The following SFXN5 variants were observed in gnomAD, a reference collection of about 807,000 sequenced individuals.
SFXN5 encodes sideroflexin 5, also known as sideroflexin-5.
A neutral mutation model predicts 50.2 loss-of-function variants in SFXN5; 43 were observed. The observed-to-expected ratio is 0.86, with a 90% CI of 0.67 to 1.11. SFXN5 has a LOEUF of 1.11. Among genes scored for constraint, SFXN5 ranks in the 50% least tolerant of loss-of-function variants. The probability of loss-of-function intolerance (pLI) is 0.00; values close to 1 mark genes in which losing one functional copy is unlikely to be tolerated. For missense variants in SFXN5, 463 were observed against 454.1 expected (o/e 1.02, Z -0.18); for synonymous variants, 203 against 185.8 (o/e 1.09, Z -0.75).
Position 72,980,855 on chromosome 2 carries a change from C to T in SFXN5, c.625+7403G>A, listed in dbSNP as rs1671215181. 2.0e-5 allele frequency among the ~76,000 whole-genome samples: 3 copies of T among 151,930 alleles called. No individual in the cohort carries two copies. The South Asian group carries it at 6.2e-4, about 32-fold the overall frequency. ...AGCCCAGCCAGGCCCCCTGCCCCCT[C>T]CTGCATTCCCCTCCTGCATAGCCCC... On this transcript the variant is annotated intron_variant, in intron 10 of 13. Transcript: ENST00000272433.
At chr2:72,976,070 T>A (rs1390890253) in intron 10 of SFXN5, among the ~76,000 whole-genome samples, 1 of 152,254 alleles carries the variant, frequency 6.6e-6, no homozygotes, top group African/African-American at 2.4e-5. Context: ...CATGATGATT[T>A]ACTGTATGTA....
At chr2:73,028,333 T>C (rs2105868711) in intron 3 of SFXN5, among the ~76,000 whole-genome samples, 1 of 152,350 alleles carries the variant, frequency 6.6e-6, no homozygotes, top group Non-Finnish European at 1.5e-5. Context: ...CATGTGGTCC[T>C]GCCTCCCACT....
At position 72,945,905 on chromosome 2, in the gene SFXN5, T is replaced by C. The variant is rs572443643; in HGVS notation, c.946-806A>G. ...AGGCCACTGGATACCTGCTCTGCTC[T>C]CCTCTCCTTGGCCACCCACCCCCTG... On this transcript the variant is annotated intron_variant, in intron 13 of 13. Transcript: ENST00000272433. This position sits in a 1 kb window ranked among gnomAD's most constrained non-coding sequence, Gnocchi z 5.8. Among the ~76,000 whole-genome samples the C allele has an allele frequency of 6.6e-6, 1 of 151,708 alleles. No homozygotes were observed. Among genetic ancestry groups the C allele is most frequent in the East Asian group, 2.0e-4 (1 of 5,110 alleles).
Position 72,999,128 on chromosome 2 carries a change from G to A in SFXN5, c.469-114C>T. The A allele has an allele frequency of 2.6e-6, 3 of 1,135,168 alleles. No individual in the cohort carries two copies. In the South Asian group the frequency reaches 4.1e-5, roughly 15 times the overall value. The allele number at this position is 1,135,168 out of a possible 1,614,324, so 70.3% of individuals were successfully genotyped here. A position where few individuals can be genotyped will look rare whatever the true frequency, so the allele number is the denominator to read the frequency against. On this transcript the variant is annotated intron_variant, in intron 8 of 13. Transcript: ENST00000272433. Reference sequence around the variant, plus strand: ...TCCTGCCCACCAGCCTGGAAAGTGGGTAGAAGGAAGAGGCCCCTCAGGACT... The same window carrying A: ...TCCTGCCCACCAGCCTGGAAAGTGGATAGAAGGAAGAGGCCCCTCAGGACT...
At chr2:72,988,168 G>A in intron 10 of SFXN5, 90 bp downstream of exon 10, 1 of 1,184,310 alleles carries the variant, frequency 8.4e-7, no homozygotes, top group South Asian at 1.4e-5. Flanking sequence ...GGCATCAGGA[G>A]AGGTGTGGAA....
chr2:72,957,141 C>T (rs1673189475), intron 13 of SFXN5: 3 of 452,710 alleles, frequency 6.6e-6, no homozygotes, highest in Middle Eastern at 3.2e-4. Flanking sequence ...GCTTCAACTC[C>T]CCCCCATACA....
At chr2:72,951,048 G>A (rs1672477767) in intron 13 of SFXN5, among the ~76,000 whole-genome samples, 2 of 151,876 alleles carry the variant, frequency 1.3e-5, no homozygotes, top group Admixed American at 1.3e-4. Context: ...CCGAGGGAGG[G>A]GGTGTCTGGG....
At position 73,071,679 on chromosome 2, in the gene SFXN5, C is replaced by T. The variant is rs1683641055; in HGVS notation, c.27G>A (p.Ser9=). 5 of 1,612,948 alleles carry T rather than the reference C, an allele frequency of 3.1e-6. No individual in the cohort carries two copies. The highest frequency in any genetic ancestry group is 1.7e-5 in the Admixed American group (1 of 59,980). The change falls in exon 1 of 14, where the codon TCG becomes TCA. Residue 9 remains serine (S), a synonymous_variant. Transcript: ENST00000272433. The part of the protein sequence containing the change: MADTATTA[S]AAAASAASAS... The stretch of plus-strand genomic sequence containing the variant: ...CGCTAGCGGCACTAGCCGCCGCCGC[C>T]GATGCTGTAGTCGCTGTATCCGCCA...
chr2:73,023,290 T>C, intron 3 of SFXN5, 76 bp from the exon 4 acceptor site: 1 of 1,438,552 alleles, frequency 7.0e-7, no homozygotes, highest in African/African-American at 1.4e-5. Flanking sequence ...TTCCAACCCA[T>C]GTTTTCTAAC....
chr2:73,071,337 G>A, intron 1 of SFXN5: 2 of 448,250 alleles, frequency 4.5e-6, no homozygotes, highest in Non-Finnish European at 7.9e-6. Flanking sequence ...CCAATCACAG[G>A]GCGCCGCGGG....
At chr2:73,006,209 G>C (rs909569430) in intron 6 of SFXN5, among the ~76,000 whole-genome samples, 6 of 152,124 alleles carry the variant, frequency 3.9e-5, no homozygotes, top group African/African-American at 1.4e-4. Context: ...AGACAGGAGA[G>C]ACAGGAGGGT....
At chr2:73,050,611 C>T (rs1293326694) in intron 2 of SFXN5, among the ~76,000 whole-genome samples, 2 of 152,198 alleles carry the variant, frequency 1.3e-5, no homozygotes, top group Admixed American at 6.5e-5. Flanking sequence ...ACACGCCACC[C>T]TTAGAAACTT....
rs184328330 is a variant in SFXN5 at position 73,055,048 on chromosome 2, G to A, written c.171+3480C>T. On this transcript the variant is annotated intron_variant, in intron 2 of 13. Coordinates refer to ENST00000272433, the MANE Select transcript of SFXN5 (RefSeq NM_144579.3). ...ACTGGGCTGCTCCCCTGGACATGAGGGGGGATGGTTCTAGGCCCAGGTGCC... is the reference window on the plus strand; with the variant it reads ...ACTGGGCTGCTCCCCTGGACATGAGAGGGGATGGTTCTAGGCCCAGGTGCC... Among the ~76,000 whole-genome samples the A allele has an allele frequency of 3.9e-5, 6 of 152,328 alleles. No individual in the cohort carries two copies. The East Asian group carries it at 7.7e-4, about 20-fold the overall frequency.
intron 9 of SFXN5, among the ~76,000 whole-genome samples, chr2:72,993,426 C>T (rs986917113): frequency 6.6e-6 from 1 of 152,198 alleles, no homozygotes; most frequent in Non-Finnish European, 1.5e-5. Context: ...ACATCAGTTG[C>T]TCCAGCTGTG....
At chr2:73,000,353 G>A in intron 8 of SFXN5, 78 bp downstream of exon 8, 7 of 1,362,626 alleles carry the variant, frequency 5.1e-6, no homozygotes, top group Non-Finnish European at 6.1e-6. Context: ...ACTGATGGTG[G>A]CATGTCACGC....
chr2:73,063,474 CTG>C (rs1196948323), intron 1 of SFXN5, among the ~76,000 whole-genome samples: 1 of 152,166 alleles, frequency 6.6e-6, no homozygotes, highest in Non-Finnish European at 1.5e-5. Flanking sequence ...CAAAGCAAGA[CTG>C]TGTGAAAAGG....
At chr2:72,994,214 T>C (rs1672943246) in intron 9 of SFXN5, among the ~76,000 whole-genome samples, 1 of 152,212 alleles carries the variant, frequency 6.6e-6, no homozygotes, top group Non-Finnish European at 1.5e-5. Context: ...AAAATGAGGA[T>C]GAACACCTAA....
At chr2:72,998,727 T>C in intron 9 of SFXN5, 1 of 558,914 alleles carries the variant, frequency 1.8e-6, no homozygotes, top group East Asian at 3.0e-5. Context: ...AGGCACAACC[T>C]CACCTCCCCA....
chr2:73,063,035 A>G (rs1682928913), intron 1 of SFXN5, among the ~76,000 whole-genome samples: 1 of 152,202 alleles, frequency 6.6e-6, no homozygotes, highest in Admixed American at 6.5e-5. Flanking sequence ...TGGGGAAATG[A>G]GGAAGAGCAG....
Sources: allele counts gnomAD v4.1 joint callset (sites outside exome capture counted in the v4.1 genomes callset), GRCh38; gene constraint gnomAD v4.1.1; non-coding constraint Gnocchi (gnomAD v3.1); transcripts MANE v1.5; gene names NCBI Gene and HGNC (gene_info 2026-07-23, HGNC 2026-07-21).